Variants in SNX3 observed in about 807,000 individuals in gnomAD.
SNX3 encodes the protein sorting nexin 3.
SNX3 carries 5 observed loss-of-function variants against 17.7 expected under a neutral mutation model. That is an observed-to-expected ratio of 0.28 (90% CI 0.15 to 0.59). SNX3 has a LOEUF of 0.59. SNX3 is among the 20% of genes least tolerant of loss of function. The probability of loss-of-function intolerance (pLI) is 0.88; values close to 1 mark genes in which losing one functional copy is unlikely to be tolerated. For synonymous variants in SNX3, 91 were observed against 76.5 expected, an observed-to-expected ratio of 1.19 and a Z score of -0.99; for missense variants, 132 against 206.8, an observed-to-expected ratio of 0.64 and a Z score of 2.22.
rs1774421861 is a variant in SNX3 at position 108,212,051 on chromosome 6, G to GT, written c.*97dup. 4.6e-6 allele frequency: 3 copies of GT among 646,994 alleles called. No homozygotes were observed. Among genetic ancestry groups the GT allele is most frequent in the Non-Finnish European group, 8.1e-6 (3 of 368,254 alleles). The allele number at this position is 646,994 out of a possible 1,614,324, so 40.1% of individuals were successfully genotyped here. A position where few individuals can be genotyped will look rare whatever the true frequency, so the allele number is the denominator to read the frequency against. ...ATGAGTGTTAGTATACTGAAGGCAT[G>GT]TTATACCAGTTTCTGTGCAGCATGC... On this transcript the variant is annotated 3_prime_UTR_variant, in exon 4 of 4. Coordinates refer to ENST00000230085, the MANE Select transcript of SNX3 (RefSeq NM_003795.6).
intron 1 of SNX3, among the ~76,000 whole-genome samples, chr6:108,253,863 C>T (rs1025225375): frequency 2.6e-5 from 4 of 152,064 alleles, no homozygotes; most frequent in East Asian, 1.9e-4. Context: ...TGGTGGCTCA[C>T]GCCTGTAATT....
intron 1 of SNX3, among the ~76,000 whole-genome samples, chr6:108,225,078 C>T (rs1005000994): frequency 3.3e-5 from 5 of 151,922 alleles, no homozygotes; most frequent in African/African-American, 9.7e-5. Flanking sequence ...GTCAGGAGAT[C>T]GAGACCATCC....
rs556850759 is a variant in SNX3, at chr6:108,260,279, G to A, written c.162+481C>T. Among the ~76,000 whole-genome samples, 3 of 152,300 alleles carry A rather than the reference G, an allele frequency of 2.0e-5. No homozygotes were observed. The South Asian group carries it at 6.2e-4, about 32-fold the overall frequency. ...AACTTTCATTAAGTCCCGTTCAGAAGACTGCACAACCCAGGTTACTTTAGC... is the reference window on the plus strand; with the variant it reads ...AACTTTCATTAAGTCCCGTTCAGAAAACTGCACAACCCAGGTTACTTTAGC... On this transcript the variant is annotated intron_variant, in intron 1 of 3. Transcript: ENST00000230085.
chr6:108,232,988 C>A (rs1775218382), intron 1 of SNX3, among the ~76,000 whole-genome samples: 1 of 152,148 alleles, frequency 6.6e-6, no homozygotes, highest in African/African-American at 2.4e-5. Flanking sequence ...ACTAAGCCAA[C>A]GTATTTAGTT....
chr6:108,256,100 T>G (rs895118845), intron 1 of SNX3, among the ~76,000 whole-genome samples: 6 of 152,036 alleles, frequency 3.9e-5, no homozygotes, highest in African/African-American at 1.4e-4. Context: ...TGTGGTGGTA[T>G]GCGCCTGTGG....
chr6:108,240,279 T>C (rs925760258), intron 1 of SNX3, among the ~76,000 whole-genome samples: 6 of 152,110 alleles, frequency 3.9e-5, no homozygotes, highest in African/African-American at 1.4e-4. Context: ...AGTGCAGTGG[T>C]GCGACCTCGG....
chr6:108,237,587 C>T (rs1300929061), intron 1 of SNX3, among the ~76,000 whole-genome samples: 3 of 151,938 alleles, frequency 2.0e-5, no homozygotes, highest in South Asian at 2.1e-4. Context: ...GTCAAGAGCT[C>T]GAGACCAGCC....
At chr6:108,218,143 T>C (rs868728584) in intron 2 of SNX3, among the ~76,000 whole-genome samples, 2 of 152,202 alleles carry the variant, frequency 1.3e-5, no homozygotes, top group South Asian at 2.1e-4. Flanking sequence ...GCAAATTATG[T>C]ATCTGATAGG....
At chr6:108,241,592 G>A (rs1226687258) in intron 1 of SNX3, among the ~76,000 whole-genome samples, 2 of 151,218 alleles carry the variant, frequency 1.3e-5, no homozygotes, top group African/African-American at 4.9e-5. Context: ...ACTGACTCAG[G>A]GTGACCCTTA....
chr6:108,252,098 A>C (rs1250389008), intron 1 of SNX3: 2 of 151,116 alleles, frequency 1.3e-5, no homozygotes, highest in Non-Finnish European at 2.9e-5. Context: ...AAACAAACAA[A>C]CAAAAAAATG....
chr6:108,252,546 G>T (rs2114766377), intron 1 of SNX3: 1 of 152,356 alleles, frequency 6.6e-6, no homozygotes. Context: ...AGGCAATGAT[G>T]ACCCTTGATC....
At chr6:108,251,149 T>C (rs1451077283) in intron 1 of SNX3, among the ~76,000 whole-genome samples, 2 of 152,154 alleles carry the variant, frequency 1.3e-5, no homozygotes, top group Non-Finnish European at 2.9e-5. Context: ...AGATATGCCA[T>C]GTCTTCATGC....
intron 2 of SNX3, among the ~76,000 whole-genome samples, chr6:108,219,154 G>A (rs1452973624): frequency 2.6e-5 from 4 of 151,270 alleles, no homozygotes; most frequent in Admixed American, 1.3e-4. Flanking sequence ...GATCGAGACC[G>A]TCTTGCTAAC....
At chr6:108,253,911 G>A (rs958549806) in intron 1 of SNX3, among the ~76,000 whole-genome samples, 4 of 152,078 alleles carry the variant, frequency 2.6e-5, no homozygotes, top group Non-Finnish European at 5.9e-5. Context: ...GGATCACGAG[G>A]TCAGGAGATG....
At chr6:108,222,819 C>T in intron 2 of SNX3, 131 bp downstream of exon 2, 1 of 679,414 alleles carries the variant, frequency 1.5e-6, no homozygotes, top group Non-Finnish European at 2.6e-6. Context: ...TATAAAATGA[C>T]ACTGAACTAT....
At chr6:108,242,559 C>T (rs528854653) in intron 1 of SNX3, among the ~76,000 whole-genome samples, 1 of 152,162 alleles carries the variant, frequency 6.6e-6, no homozygotes, top group Non-Finnish European at 1.5e-5. Flanking sequence ...ATTCCCTATC[C>T]AGCGTGGTAG....
chr6:108,250,014 G>C (rs968276334), intron 1 of SNX3, among the ~76,000 whole-genome samples: 23 of 152,124 alleles, frequency 1.5e-4, no homozygotes, highest in African/African-American at 4.8e-4. Context: ...GGGTTCAAGT[G>C]ATGCTCCCAC....
chr6:108,215,594 A>C (rs1774544030), intron 2 of SNX3, among the ~76,000 whole-genome samples: 1 of 152,098 alleles, frequency 6.6e-6, no homozygotes, highest in Non-Finnish European at 1.5e-5. Context: ...TCAAAGCCTA[A>C]CCAAGGGTCA....
At chr6:108,216,074 T>C (rs1774564725) in intron 2 of SNX3, among the ~76,000 whole-genome samples, 1 of 152,170 alleles carries the variant, frequency 6.6e-6, no homozygotes, top group Non-Finnish European at 1.5e-5. Flanking sequence ...GGGGGCTTTC[T>C]TGTGCATTCT....
Sources: gnomAD v4.1 joint callset for allele counts (sites outside exome capture counted in the v4.1 genomes callset) on GRCh38, gnomAD v4.1.1 for gene constraint, MANE v1.5 for transcripts, NCBI Gene and HGNC (gene_info 2026-07-23, HGNC 2026-07-21) for gene names.